The following TMEM217B variants were observed in gnomAD, a reference collection of about 807,000 sequenced individuals.
The protein encoded by TMEM217B is transmembrane protein 217B, also known as putative transmembrane protein 217B.
the TMEM217B span, among the ~76,000 whole-genome samples, chr6:37,232,694 A>T: frequency 6.6e-6 from 1 of 152,236 alleles, no homozygotes; most frequent in Non-Finnish European, 1.5e-5. Flanking sequence ...TGTTACAAAG[A>T]GGAAGTATCT....
chr6:37,221,759 G>A, the TMEM217B span, among the ~76,000 whole-genome samples: 1 of 152,148 alleles, frequency 6.6e-6, no homozygotes, highest in Non-Finnish European at 1.5e-5. Flanking sequence ...GATGAATGAG[G>A]TACACAGACA....
At chr6:37,224,290 C>G in the TMEM217B span, among the ~76,000 whole-genome samples, 2 of 151,370 alleles carry the variant, frequency 1.3e-5, no homozygotes, top group South Asian at 4.2e-4. Flanking sequence ...CTACCACATG[C>G]AGCTCATTAA....
chr6:37,220,484 G>A, the TMEM217B span, among the ~76,000 whole-genome samples: 1 of 151,472 alleles, frequency 6.6e-6, no homozygotes, highest in Non-Finnish European at 1.5e-5. Context: ...AAGTTGGCTT[G>A]TTAACTACAC....
chr6:37,229,335 G>GCTTTTT, the TMEM217B span, among the ~76,000 whole-genome samples: 3 of 74,364 alleles, frequency 4.0e-5, no homozygotes, highest in African/African-American at 1.6e-4. Context: ...GCAACTTTCA[G>GCTTTTT]TTTTTTTTTT....
chr6:37,226,332 G>T, the TMEM217B span, among the ~76,000 whole-genome samples: 1 of 112,824 alleles, frequency 8.9e-6, no homozygotes, highest in African/African-American at 3.5e-5. Context: ...TCGCTCTTTC[G>T]CCCAGGCTGG....
chr6:37,232,111 A>G, the TMEM217B span, among the ~76,000 whole-genome samples: 3 of 151,998 alleles, frequency 2.0e-5, no homozygotes, highest in South Asian at 6.2e-4. Flanking sequence ...TGGGGGGGAG[A>G]GAGGGGTGAA....
At chr6:37,247,066 T>C in the TMEM217B span, among the ~76,000 whole-genome samples, 3 of 152,170 alleles carry the variant, frequency 2.0e-5, no homozygotes, top group African/African-American at 7.2e-5. Context: ...GATCTGGTCA[T>C]GTCATGTCCC....
chr6:37,255,247 G>A, the TMEM217B span, among the ~76,000 whole-genome samples: 22 of 152,178 alleles, frequency 1.4e-4, no homozygotes, highest in African/African-American at 5.1e-4. Context: ...AAGAAAGAAA[G>A]CATAATGAGA....
the TMEM217B span, among the ~76,000 whole-genome samples, chr6:37,216,228 G>A: frequency 2.0e-5 from 3 of 151,976 alleles, no homozygotes; most frequent in Non-Finnish European, 4.4e-5. Flanking sequence ...ACAGGTGCCT[G>A]CCACTATACC....
chr6:37,238,158 A>T, the TMEM217B span, among the ~76,000 whole-genome samples: 2 of 63,980 alleles, frequency 3.1e-5, no homozygotes, highest in South Asian at 8.2e-4. Context: ...AAGTAGAATT[A>T]AAAACACTGA....
chr6:37,232,185 TC>T, the TMEM217B span, among the ~76,000 whole-genome samples: 6 of 152,094 alleles, frequency 3.9e-5, no homozygotes, highest in Non-Finnish European at 7.4e-5. Context: ...GACGCTTCGT[TC>T]CAAAAAATAG....
At chr6:37,249,146 C>CT in the TMEM217B span, among the ~76,000 whole-genome samples, 1 of 152,152 alleles carries the variant, frequency 6.6e-6, no homozygotes, top group Non-Finnish European at 1.5e-5. Flanking sequence ...GTTAAAGATC[C>CT]TTTTTCTGAA....
chr6:37,217,623 C>T, the TMEM217B span: 49 of 984,928 alleles, frequency 5.0e-5, no homozygotes, highest in South Asian at 9.4e-5. Context: ...TGGGGAAATT[C>T]GAGACATAAA....
At chr6:37,216,758 G>A in the TMEM217B span, among the ~76,000 whole-genome samples, 1 of 152,170 alleles carries the variant, frequency 6.6e-6, no homozygotes, top group Non-Finnish European at 1.5e-5. Flanking sequence ...GCCTTTAGGA[G>A]GTGATTGAAT....
the TMEM217B span, among the ~76,000 whole-genome samples, chr6:37,231,285 G>A: frequency 7.1e-6 from 1 of 140,984 alleles, no homozygotes; most frequent in Non-Finnish European, 1.5e-5. Context: ...GGCCAGGCTG[G>A]TCTTGAACTC....
chr6:37,235,080 G>A, the TMEM217B span, among the ~76,000 whole-genome samples: 9 of 152,168 alleles, frequency 5.9e-5, no homozygotes, highest in Non-Finnish European at 1.2e-4. Context: ...AGCTGGCAAT[G>A]TGGAAGGACA....
At chr6:37,220,592 T>C in the TMEM217B span, among the ~76,000 whole-genome samples, 2 of 152,216 alleles carry the variant, frequency 1.3e-5, no homozygotes, top group Non-Finnish European at 2.9e-5. Flanking sequence ...AAGTATTTTT[T>C]TTAACTTTAA....
chr6:37,257,033 T>C, the TMEM217B span, among the ~76,000 whole-genome samples: 18 of 152,192 alleles, frequency 1.2e-4, no homozygotes, highest in Non-Finnish European at 2.2e-4. Flanking sequence ...AGGAGATACA[T>C]CCTTAACTTT....
chr6:37,219,017 T>G, the TMEM217B span: 2 of 1,613,402 alleles, frequency 1.2e-6, no homozygotes, highest in Non-Finnish European at 8.5e-7. Flanking sequence ...CCCACACCAC[T>G]GCTGCTGTTT....
Sources: gnomAD v4.1 joint callset for allele counts (sites outside exome capture counted in the v4.1 genomes callset) on GRCh38, gnomAD v4.1.1 for gene constraint, MANE v1.5 for transcripts, NCBI Gene and HGNC (gene_info 2026-07-23, HGNC 2026-07-21) for gene names.